C1orf87: variants seen among roughly 807,000 people sequenced by gnomAD.
C1orf87 encodes the protein chromosome 1 open reading frame 87, also known as uncharacterized protein C1orf87.
In C1orf87, 58 loss-of-function variants were observed where a neutral mutation model predicts 60.5. The observed-to-expected ratio is 0.96, with a 90% confidence interval of 0.78 to 1.19. C1orf87 has a LOEUF of 1.19. Ranked by LOEUF, C1orf87 falls within the 50% of genes most tolerant of loss-of-function variation. The pLI, the probability that C1orf87 is intolerant of heterozygous loss-of-function variation, is 0.00. For synonymous variants in C1orf87, 236 were observed against 227.4 expected, an observed-to-expected ratio of 1.04 and a Z score of -0.34; for missense variants, 673 against 638.6, an observed-to-expected ratio of 1.05 and a Z score of -0.58.
chr1:60,009,625 G>A (rs1009324150), intron 9 of C1orf87, among the ~76,000 whole-genome samples: 22 of 151,310 alleles, frequency 1.5e-4, no homozygotes, highest in Non-Finnish European at 2.8e-4. Flanking sequence ...TTTAATCCCG[G>A]ACACACACAC....
At chr1:60,033,895 A>G (rs1257939892) in intron 6 of C1orf87, among the ~76,000 whole-genome samples, 1 of 152,248 alleles carries the variant, frequency 6.6e-6, no homozygotes. Context: ...TGACTACAAC[A>G]AAGGCCAAAA....
At chr1:60,067,162 G>C (rs192123547) in intron 2 of C1orf87, among the ~76,000 whole-genome samples, 2 of 152,280 alleles carry the variant, frequency 1.3e-5, no homozygotes, top group African/African-American at 4.8e-5. Flanking sequence ...CTTTATAGTA[G>C]AATGATTTAT....
At chr1:60,071,574 T>C (rs1255027077) in intron 2 of C1orf87, among the ~76,000 whole-genome samples, 2 of 152,168 alleles carry the variant, frequency 1.3e-5, no homozygotes, top group East Asian at 1.9e-4. Context: ...ATACTGATAG[T>C]AGGGAAGTAG....
chr1:60,073,265 A>G (rs528522547), intron 1 of C1orf87, among the ~76,000 whole-genome samples: 1 of 152,174 alleles, frequency 6.6e-6, no homozygotes, highest in Non-Finnish European at 1.5e-5. Context: ...CTCCTGCACA[A>G]GGTGTTTAAA....
At chr1:60,008,666 C>A (rs1415415328) in intron 9 of C1orf87, 1 of 455,592 alleles carries the variant, frequency 2.2e-6, no homozygotes, top group Admixed American at 2.4e-5. Context: ...AGAAGAGCTA[C>A]TGCTATAATG....
rs142334751 is a variant in C1orf87 at position 60,044,053 on chromosome 1, G to A, written c.343-2922C>T. Among the ~76,000 whole-genome samples the A allele has an allele frequency of 2.0e-4, 31 of 152,168 alleles. No individual in the cohort carries two copies. In the East Asian group the frequency reaches 3.9e-3, roughly 19 times the overall value. On this transcript the variant is annotated intron_variant, in intron 3 of 11. Transcript: ENST00000371201. The stretch of plus-strand genomic sequence containing the variant: ...TGTTTTCTGTTTGTTTGTTTGAGAC[G>A]GAGTCTCGCTCTGTTGTCCAGGCTG...
intron 2 of C1orf87, among the ~76,000 whole-genome samples, chr1:60,070,840 C>T (rs1645579834): frequency 1.3e-5 from 2 of 152,124 alleles, no homozygotes; most frequent in Non-Finnish European, 2.9e-5. Context: ...TAACTTTTCA[C>T]TATTTTAAAA....
chr1:60,065,029 A>ATATATATATATTATATAG (rs1491291377), intron 2 of C1orf87, among the ~76,000 whole-genome samples: 2 of 116,196 alleles, frequency 1.7e-5, no homozygotes, highest in South Asian at 2.3e-4. Flanking sequence ...ATATATATTT[A>ATATATATATATTATATAG]ATATATATAT....
chr1:60,062,821 A>C (rs1488843626), intron 2 of C1orf87, among the ~76,000 whole-genome samples: 1 of 152,174 alleles, frequency 6.6e-6, no homozygotes, highest in Non-Finnish European at 1.5e-5. Flanking sequence ...GGCAAAAATA[A>C]CTGTTACCTC....
rs1170360715 is a variant in C1orf87, at chr1:60,009,280, C to T, written c.1192+1112G>A. On this transcript the variant is annotated intron_variant, in intron 9 of 11. Coordinates refer to ENST00000371201, the MANE Select transcript of C1orf87 (RefSeq NM_152377.3). ...AAAACAAAGGCAGAGATTGGAGTTA[C>T]ACAATAACAAGCCAAAGGAGGCCTG... Among the ~76,000 whole-genome samples, 3 of 151,988 alleles carry T rather than the reference C, an allele frequency of 2.0e-5. No individual in the cohort carries two copies. In the East Asian group the frequency reaches 5.8e-4, roughly 29 times the overall value.
intron 8 of C1orf87, among the ~76,000 whole-genome samples, chr1:60,019,690 A>AATGAG (rs1645149153): frequency 6.6e-6 from 1 of 152,178 alleles, no homozygotes; most frequent in Admixed American, 6.5e-5. Context: ...TTCAAATGAA[A>AATGAG]ATGAGGAACT....
At chr1:60,065,866 A>G (rs1391700556) in intron 2 of C1orf87, among the ~76,000 whole-genome samples, 1 of 152,150 alleles carries the variant, frequency 6.6e-6, no homozygotes, top group Non-Finnish European at 1.5e-5. Context: ...GGTATACCTC[A>G]GTGATTTGTG....
chr1:60,011,698 T>C (rs1215359385), intron 8 of C1orf87, among the ~76,000 whole-genome samples: 1 of 152,142 alleles, frequency 6.6e-6, no homozygotes, highest in Non-Finnish European at 1.5e-5. Context: ...GCTGGGTTTT[T>C]AAAGAAAAGT....
intron 10 of C1orf87, among the ~76,000 whole-genome samples, chr1:59,999,591 G>A (rs763537930): frequency 6.6e-6 from 1 of 152,108 alleles, no homozygotes; most frequent in Non-Finnish European, 1.5e-5. Flanking sequence ...GAGATTTGTA[G>A]GGACCTGAAT....
chr1:60,000,641 C>T (rs1201329780), intron 10 of C1orf87, among the ~76,000 whole-genome samples: 1 of 151,898 alleles, frequency 6.6e-6, no homozygotes, highest in African/African-American at 2.4e-5. Flanking sequence ...TCTTTTTAAT[C>T]AGAGAGGCTA....
Position 60,011,966 on chromosome 1 carries a change from G to T in C1orf87, c.1128-1510C>A, listed in dbSNP as rs369493295. On this transcript the variant is annotated intron_variant, in intron 8 of 11. Transcript: ENST00000371201. ...AGATAAGCTGATGACTATATCAGATGTGGTAGGTCTAGGCAGGTAAGAGAA... is the reference window on the plus strand; with the variant it reads ...AGATAAGCTGATGACTATATCAGATTTGGTAGGTCTAGGCAGGTAAGAGAA... 2.6e-5 allele frequency among the ~76,000 whole-genome samples: 4 copies of T among 152,184 alleles called. No individual in the cohort carries two copies. In the East Asian group the frequency reaches 7.7e-4, roughly 29 times the overall value.
At chr1:60,052,895 C>T (rs886979031) in intron 3 of C1orf87, among the ~76,000 whole-genome samples, 2 of 152,210 alleles carry the variant, frequency 1.3e-5, no homozygotes, top group Non-Finnish European at 1.5e-5. Flanking sequence ...CACGCCCGCC[C>T]GGCAGACAGA....
At chr1:59,998,763 G>C (rs1021269590) in intron 10 of C1orf87, among the ~76,000 whole-genome samples, 7 of 152,230 alleles carry the variant, frequency 4.6e-5, no homozygotes, top group Non-Finnish European at 1.0e-4. Context: ...TTTCCATTTT[G>C]TGTACTGCAA....
rs541708173 is a variant in C1orf87 at position 60,003,049 on chromosome 1, T to G, written c.1193-1893A>C. 3.3e-5 allele frequency among the ~76,000 whole-genome samples: 5 copies of G among 150,566 alleles called. No homozygotes were observed. The East Asian group carries it at 9.8e-4, about 30-fold the overall frequency. ...ATGTTTATTGTGGCATTATTCACAA[T>G]AGCAAAGACTTGGAACCAACCCAAA... On this transcript the variant is annotated intron_variant, in intron 9 of 11. Coordinates refer to ENST00000371201, the MANE Select transcript of C1orf87 (RefSeq NM_152377.3).
Sources: allele counts gnomAD v4.1 joint callset (sites outside exome capture counted in the v4.1 genomes callset), GRCh38; gene constraint gnomAD v4.1.1; transcripts MANE v1.5; gene names NCBI Gene and HGNC (gene_info 2026-07-23, HGNC 2026-07-21).